Variants in SGCZ observed in about 807,000 individuals in gnomAD.
SGCZ encodes sarcoglycan zeta.
Under a neutral mutation model 41.3 loss-of-function variants are expected in SGCZ, and 40 were observed. The observed-to-expected ratio is 0.97, with a 90% CI of 0.75 to 1.26. The LOEUF (loss-of-function observed/expected upper bound fraction) is 1.26. Among genes scored for constraint, SGCZ ranks in the 50% most tolerant of loss-of-function variants. SGCZ has a pLI of 0.00. For missense variants in SGCZ, 552 were observed against 369.8 expected (o/e 1.49, Z -4.04); for synonymous variants, 206 against 137.5 (o/e 1.50, Z -3.49).
rs563594842 is a variant in SGCZ at position 14,621,138 on chromosome 8, G to A, written c.40-66212C>T. ...AAATGATGAGCTCATGTCCTTTGTA[G>A]GGACATGGATGAAGCTGGAAACCAT... is the stretch of plus-strand genomic sequence containing the variant. On this transcript the variant is annotated intron_variant, in intron 1 of 7. Transcript: ENST00000382080. Among the ~76,000 whole-genome samples the A allele has an allele frequency of 2.6e-3, 392 of 152,048 alleles. 1 individual carries two copies. The highest frequency in any genetic ancestry group is 4.6e-3 in the Non-Finnish European group (314 of 67,986).
chr8:14,472,559 G>A (rs913482764), intron 2 of SGCZ, among the ~76,000 whole-genome samples: 2 of 151,968 alleles, frequency 1.3e-5, no homozygotes, highest in African/African-American at 4.8e-5. Context: ...CCATATACTG[G>A]GATATCATTA....
At chr8:14,746,423 C>T (rs868490707) in intron 1 of SGCZ, among the ~76,000 whole-genome samples, 4 of 152,112 alleles carry the variant, frequency 2.6e-5, no homozygotes, top group Middle Eastern at 6.8e-3. Flanking sequence ...TAGTAAAAAA[C>T]AATATAGCAT....
intron 1 of SGCZ, among the ~76,000 whole-genome samples, chr8:15,039,581 T>A (rs1254834409): frequency 1.3e-5 from 2 of 152,184 alleles, no homozygotes; most frequent in Non-Finnish European, 2.9e-5. Context: ...AACAATGTAC[T>A]ACAGTCAGTC....
chr8:14,316,418 A>G (rs1330524959), intron 3 of SGCZ, among the ~76,000 whole-genome samples: 1 of 151,980 alleles, frequency 6.6e-6, no homozygotes, highest in East Asian at 1.9e-4. Context: ...AATAAGAAAA[A>G]TGATAAAATC....
intron 3 of SGCZ, among the ~76,000 whole-genome samples, chr8:14,260,502 C>A (rs1346477302): frequency 6.8e-6 from 1 of 146,608 alleles, no homozygotes; most frequent in Non-Finnish European, 1.5e-5. Flanking sequence ...GTTGGCGGGA[C>A]TGTAAACTAG....
chr8:14,376,055 G>A (rs999223581), intron 2 of SGCZ, among the ~76,000 whole-genome samples: 9 of 152,018 alleles, frequency 5.9e-5, no homozygotes, highest in South Asian at 4.1e-4. Flanking sequence ...GGCTCATGCC[G>A]GTAATCCCAG....
At chr8:14,802,269 G>A (rs988052175) in intron 1 of SGCZ, among the ~76,000 whole-genome samples, 10 of 152,114 alleles carry the variant, frequency 6.6e-5, no homozygotes, top group African/African-American at 2.4e-4. Context: ...GTATTTAGAA[G>A]GTGCTTCCCC....
chr8:14,299,584 A>G (rs1251751117), intron 3 of SGCZ, among the ~76,000 whole-genome samples: 1 of 151,952 alleles, frequency 6.6e-6, no homozygotes, highest in African/African-American at 2.4e-5. Flanking sequence ...CCATCAGGGA[A>G]ATGTGAATAT....
intron 1 of SGCZ, among the ~76,000 whole-genome samples, chr8:14,847,182 A>AGAAGAG (rs1554510902): frequency 1.4e-4 from 21 of 147,314 alleles, no homozygotes; most frequent in Non-Finnish European, 3.1e-4. Context: ...AAGAAGAAGA[A>AGAAGAG]GAAGAGAAAA....
At chr8:15,032,176 C>T (rs1000878263) in intron 1 of SGCZ, among the ~76,000 whole-genome samples, 11 of 151,952 alleles carry the variant, frequency 7.2e-5, no homozygotes, top group African/African-American at 1.9e-4. Context: ...GACATTCAAG[C>T]GCTCACACCC....
At position 14,651,968 on chromosome 8, in the gene SGCZ, A is replaced by G. The variant is rs115130842; in HGVS notation, c.40-97042T>C. 2.6e-3 allele frequency among the ~76,000 whole-genome samples: 400 copies of G among 152,136 alleles called. 7 individuals carry two copies. The highest frequency in any genetic ancestry group is 9.1e-3 in the African/African-American group (378 of 41,484). On this transcript the variant is annotated intron_variant, in intron 1 of 7. Transcript: ENST00000382080. ...ACATTTAAAAAAAAAGCAAACAAAAAAAACGGGTCTCCTACTACCAGCTGT... is the reference window on the plus strand; with the variant it reads ...ACATTTAAAAAAAAAGCAAACAAAAGAAACGGGTCTCCTACTACCAGCTGT...
chr8:14,924,565 C>T (rs1585383270), intron 1 of SGCZ, among the ~76,000 whole-genome samples: 2 of 151,668 alleles, frequency 1.3e-5, no homozygotes, highest in East Asian at 3.9e-4. Flanking sequence ...TTCCTATTTA[C>T]ATCAGAAGCT....
At chr8:15,136,854 G>A (rs964256764) in intron 1 of SGCZ, among the ~76,000 whole-genome samples, 1 of 152,128 alleles carries the variant, frequency 6.6e-6, no homozygotes, top group African/African-American at 2.4e-5. Flanking sequence ...AATTGGTACT[G>A]GTAGAGTGAG....
At chr8:14,800,555 T>C (rs980191794) in intron 1 of SGCZ, among the ~76,000 whole-genome samples, 3 of 152,190 alleles carry the variant, frequency 2.0e-5, no homozygotes, top group Non-Finnish European at 2.9e-5. Flanking sequence ...GATTAAGTCA[T>C]GTGGGTGAAC....
At chr8:15,019,261 G>C (rs1452660505) in intron 1 of SGCZ, among the ~76,000 whole-genome samples, 2 of 152,184 alleles carry the variant, frequency 1.3e-5, no homozygotes, top group African/African-American at 2.4e-5. Context: ...AGGGGCTATG[G>C]TTGTTTTCCA....
intron 1 of SGCZ, among the ~76,000 whole-genome samples, chr8:14,718,729 T>C (rs550987620): frequency 9.3e-4 from 142 of 151,904 alleles, no homozygotes; most frequent in Non-Finnish European, 1.6e-3. Context: ...CCCTGATCCA[T>C]ATTATCCTAA....
At chr8:14,963,908 T>C (rs754516522) in intron 1 of SGCZ, among the ~76,000 whole-genome samples, 2 of 152,200 alleles carry the variant, frequency 1.3e-5, no homozygotes, top group African/African-American at 2.4e-5. Flanking sequence ...TTTTCACCTA[T>C]GATTTTTTTA....
Position 15,198,325 on chromosome 8 carries a change from A to C in SGCZ, c.39+39260T>G, listed in dbSNP as rs150258986. ...CATTGAACTCAAATTTTATATCTCA[A>C]CAAGGGAAAACATCAAATTAAAAGT... On this transcript the variant is annotated intron_variant, in intron 1 of 7. Coordinates refer to ENST00000382080, the MANE Select transcript of SGCZ (RefSeq NM_139167.4). 7.7e-3 allele frequency among the ~76,000 whole-genome samples: 1,166 copies of C among 152,074 alleles called. 13 individuals carry two copies. The highest frequency in any genetic ancestry group is 0.025 in the African/African-American group (1,041 of 41,534).
intron 1 of SGCZ, among the ~76,000 whole-genome samples, chr8:14,953,970 T>C (rs1800721666): frequency 6.6e-6 from 1 of 152,178 alleles, no homozygotes; most frequent in African/African-American, 2.4e-5. Context: ...ACTGATAAGT[T>C]TAGTTAAGTA....
Sources: gnomAD v4.1 joint callset for allele counts (sites outside exome capture counted in the v4.1 genomes callset) on GRCh38, gnomAD v4.1.1 for gene constraint, MANE v1.5 for transcripts, NCBI Gene and HGNC (gene_info 2026-07-23, HGNC 2026-07-21) for gene names.